Variants in SLC12A8 observed in about 807,000 individuals in gnomAD.
The protein encoded by SLC12A8 is solute carrier family 12 member 8, also known as cation-chloride cotransporter 9.
Under a neutral mutation model 75.6 loss-of-function variants are expected in SLC12A8, and 69 were observed. That is an observed-to-expected ratio of 0.91 (90% CI 0.75 to 1.11). SLC12A8 has a LOEUF of 1.11. Ranked by LOEUF, SLC12A8 falls within the 50% of genes most tolerant of loss-of-function variation. The pLI is 0.00. For synonymous variants in SLC12A8, 365 were observed against 372.8 expected (o/e 0.98, Z 0.24); for missense variants, 877 against 896.7 (o/e 0.98, Z 0.28).
At chr3:125,208,453 A>ATTAGCCAT (rs1461419870) in intron 2 of SLC12A8, among the ~76,000 whole-genome samples, 1 of 151,754 alleles carries the variant, frequency 6.6e-6, no homozygotes, top group Non-Finnish European at 1.5e-5. Flanking sequence ...TAGTTTAATT[A>ATTAGCCAT]TTAGCCATTT....
intron 6 of SLC12A8, among the ~76,000 whole-genome samples, chr3:125,132,472 A>T (rs1339782633): frequency 6.6e-6 from 1 of 152,182 alleles, no homozygotes; most frequent in East Asian, 1.9e-4. Context: ...GAGAGAATCT[A>T]GCAACTCTTA....
intron 5 of SLC12A8, among the ~76,000 whole-genome samples, chr3:125,136,552 C>T (rs540621714): frequency 6.9e-4 from 105 of 152,280 alleles, no homozygotes; most frequent in African/African-American, 2.5e-3. Context: ...GATCTCTATC[C>T]CCCAGAGCCA....
rs1939072333 is a variant in SLC12A8, at chr3:125,107,860, G to A, written c.1326C>T (p.Gly442=). 1 of 1,614,188 alleles carries A rather than the reference G, an allele frequency of 6.2e-7. No individual in the cohort carries two copies. The highest frequency in any genetic ancestry group is 1.7e-5 in the Admixed American group (1 of 60,032). Residue 442 remains glycine, a synonymous_variant, in exon 10 of 14, where the codon GGC becomes GGT. Transcript: ENST00000469902. The stretch of plus-strand genomic sequence containing the variant: ...AGACTCTTTGGGCAGGTCCCTCAGA[G>A]CCGTAACTGGGAGCTTTCTCTAAGA... The part of the protein sequence containing the change: ...HLLLEKAPSY[G]SEGPAQRVLE...
At chr3:125,085,769 G>A (rs992186151) in intron 13 of SLC12A8, among the ~76,000 whole-genome samples, 5 of 151,954 alleles carry the variant, frequency 3.3e-5, no homozygotes, top group Admixed American at 1.3e-4. Context: ...TAGAGATGGT[G>A]TTTTGCCATG....
intron 2 of SLC12A8, among the ~76,000 whole-genome samples, chr3:125,209,289 C>T (rs970497831): frequency 4.6e-5 from 7 of 152,180 alleles, no homozygotes; most frequent in Non-Finnish European, 1.5e-5. Flanking sequence ...TCAAACATGC[C>T]TGGCTTTACA....
chr3:125,087,595 G>A (rs1240203291), intron 13 of SLC12A8, among the ~76,000 whole-genome samples: 1 of 152,110 alleles, frequency 6.6e-6, no homozygotes, highest in South Asian at 2.1e-4. Context: ...GTTCTGCCTG[G>A]ATTTTCCTAG....
intron 2 of SLC12A8, among the ~76,000 whole-genome samples, chr3:125,193,715 G>A (rs1017613216): frequency 2.0e-5 from 3 of 152,168 alleles, no homozygotes; most frequent in African/African-American, 7.2e-5. Flanking sequence ...TCCTTCCCCT[G>A]AGGCAGAAGG....
At chr3:125,088,692 A>T (rs1398073028) in intron 12 of SLC12A8, among the ~76,000 whole-genome samples, 2 of 152,178 alleles carry the variant, frequency 1.3e-5, no homozygotes, top group South Asian at 2.1e-4. Flanking sequence ...ACTTTGATAA[A>T]TTTTTTAAGA....
intron 5 of SLC12A8, among the ~76,000 whole-genome samples, chr3:125,147,312 C>T (rs1933802117): frequency 6.6e-6 from 1 of 152,186 alleles, no homozygotes; most frequent in Non-Finnish European, 1.5e-5. Context: ...GGGCTACTGC[C>T]ATATCACCTG....
chr3:125,192,774 T>C (rs1201758400), intron 2 of SLC12A8: 1 of 154,434 alleles, frequency 6.5e-6, no homozygotes, highest in African/African-American at 2.4e-5. Flanking sequence ...GAGGGGTGTG[T>C]ACCTACCTTT....
chr3:125,134,472 C>T (rs913566406), intron 6 of SLC12A8, among the ~76,000 whole-genome samples: 1 of 152,126 alleles, frequency 6.6e-6, no homozygotes, highest in Non-Finnish European at 1.5e-5. Context: ...TTTATTTATG[C>T]ACTCACCTGT....
chr3:125,106,352 G>GTTTTT (rs113822511), intron 10 of SLC12A8, among the ~76,000 whole-genome samples: 1 of 149,652 alleles, frequency 6.7e-6, no homozygotes, highest in Non-Finnish European at 1.5e-5. Context: ...GGTTTTTGGG[G>GTTTTT]TTTTTTGTTG....
intron 2 of SLC12A8, among the ~76,000 whole-genome samples, chr3:125,206,438 G>T (rs568060900): frequency 6.6e-6 from 1 of 152,130 alleles, no homozygotes; most frequent in Non-Finnish European, 1.5e-5. Flanking sequence ...AATGGACTAG[G>T]CCAGAAGATC....
chr3:125,165,862 TC>T (rs1484676817), intron 5 of SLC12A8, among the ~76,000 whole-genome samples: 1 of 152,198 alleles, frequency 6.6e-6, no homozygotes, highest in Non-Finnish European at 1.5e-5. Context: ...ATCCATGTGT[TC>T]CCTGCATCCC....
chr3:125,168,904 G>A (rs1156356669), intron 5 of SLC12A8, among the ~76,000 whole-genome samples: 1 of 152,194 alleles, frequency 6.6e-6, no homozygotes, highest in South Asian at 2.1e-4. Flanking sequence ...AGATGGACCT[G>A]TGCCTGGCCT....
At chr3:125,211,606 C>T (rs1205660056) in intron 1 of SLC12A8, among the ~76,000 whole-genome samples, 3 of 152,226 alleles carry the variant, frequency 2.0e-5, no homozygotes, top group Admixed American at 6.5e-5. Context: ...TGTGCTCAAA[C>T]CTTGCTGCCC....
intron 5 of SLC12A8, among the ~76,000 whole-genome samples, chr3:125,142,831 C>G (rs1223589711): frequency 6.6e-6 from 1 of 152,226 alleles, no homozygotes; most frequent in East Asian, 1.9e-4. Flanking sequence ...TCTCAGGCCT[C>G]TCAGGACACA....
In SLC12A8 at chr3:125,198,840, T is replaced by C. The variant is rs1336712376; in HGVS notation, c.52-8319A>G. ...TCACCCAGGCTGGAGTGCAGTGGCG[T>C]GATCTCGGCTCACTGCAAGCTCCAC... is the stretch of plus-strand genomic sequence containing the variant. On this transcript the variant is annotated intron_variant, in intron 2 of 13. Coordinates refer to ENST00000469902, the MANE Select transcript of SLC12A8 (RefSeq NM_024628.6). Among the ~76,000 whole-genome samples, 25 of 151,164 alleles carry C rather than the reference T, an allele frequency of 1.7e-4. 1 individual carries two copies. The highest frequency in any genetic ancestry group is 1.6e-3 in the Admixed American group (24 of 15,170).
chr3:125,127,973 C>A (rs780489801), intron 6 of SLC12A8, among the ~76,000 whole-genome samples: 1 of 151,372 alleles, frequency 6.6e-6, no homozygotes, highest in Non-Finnish European at 1.5e-5. Flanking sequence ...ACCTCCCGGG[C>A]TCAAGTGATT....
Sources: allele counts gnomAD v4.1 joint callset (sites outside exome capture counted in the v4.1 genomes callset), GRCh38; gene constraint gnomAD v4.1.1; transcripts MANE v1.5; gene names NCBI Gene and HGNC (gene_info 2026-07-23, HGNC 2026-07-21).